DCT: variants seen among roughly 807,000 people sequenced by gnomAD.
DCT encodes dopachrome tautomerase, also known as L-dopachrome tautomerase.
Under a neutral mutation model 53.0 loss-of-function variants are expected in DCT, and 47 were observed. The ratio of observed to expected loss-of-function variants is 0.89; its 90% CI spans 0.70 to 1.13. DCT has a LOEUF of 1.13. DCT is among the 50% of genes most tolerant of loss of function. The probability of loss-of-function intolerance (pLI) is 0.00; values close to 1 mark genes in which losing one functional copy is unlikely to be tolerated. For missense variants in DCT, 669 were observed against 637.4 expected (o/e 1.05, Z -0.53); for synonymous variants, 244 against 237.0 (o/e 1.03, Z -0.27).
chr13:94,541,080 T>TA, the DCT span, among the ~76,000 whole-genome samples: 1 of 152,150 alleles, frequency 6.6e-6, no homozygotes, highest in Non-Finnish European at 1.5e-5. Context: ...ATGTGGGAGC[T>TA]AAAAAATTGA....
upstream of DCT, among the ~76,000 whole-genome samples, chr13:94,484,527 A>G (rs1310046271): frequency 6.6e-6 from 1 of 152,222 alleles, no homozygotes; most frequent in Non-Finnish European, 1.5e-5. Context: ...GCCATAGAGT[A>G]GATGGCTTAA....
intron 7 of DCT, among the ~76,000 whole-genome samples, chr13:94,440,838 G>T (rs1193571897): frequency 6.6e-6 from 1 of 151,670 alleles, no homozygotes; most frequent in Non-Finnish European, 1.5e-5. Flanking sequence ...CCATCACCAT[G>T]CTCAGATAAA....
intron 1 of DCT, among the ~76,000 whole-genome samples, chr13:94,471,053 T>C (rs758288438): frequency 1.6e-4 from 25 of 152,300 alleles, no homozygotes; most frequent in Non-Finnish European, 3.2e-4. Flanking sequence ...ATAATTTTGG[T>C]AAACTACAAG....
chr13:94,535,018 C>T, the DCT span, among the ~76,000 whole-genome samples: 1 of 152,214 alleles, frequency 6.6e-6, no homozygotes, highest in South Asian at 2.1e-4. Context: ...TCTGGGATTA[C>T]AGGCAAGTGC....
chr13:94,469,454 A>G (rs1171587778), intron 1 of DCT, among the ~76,000 whole-genome samples: 1 of 152,196 alleles, frequency 6.6e-6, no homozygotes, highest in Non-Finnish European at 1.5e-5. Flanking sequence ...AAATTTGGAC[A>G]CAGTTTTGGA....
intron 6 of DCT, among the ~76,000 whole-genome samples, chr13:94,448,177 C>T (rs1159123238): frequency 6.6e-6 from 1 of 152,134 alleles, no homozygotes; most frequent in Admixed American, 6.6e-5. Context: ...CCCTGGAAGT[C>T]AAGGCTGCAG....
intron 2 of DCT, 175 bp from the exon 3 acceptor site, chr13:94,466,833 G>C: frequency 2.5e-6 from 1 of 395,048 alleles, no homozygotes; most frequent in East Asian, 4.0e-5. Context: ...ATGAATTTCA[G>C]AAGTAACTAG....
the DCT span, among the ~76,000 whole-genome samples, chr13:94,541,659 A>C: frequency 1.3e-5 from 2 of 152,232 alleles, no homozygotes; most frequent in Non-Finnish European, 2.9e-5. Context: ...TATATTTTGA[A>C]GTAATTCGAG....
the DCT span, among the ~76,000 whole-genome samples, chr13:94,540,707 A>C: frequency 6.6e-6 from 1 of 152,204 alleles, no homozygotes; most frequent in Non-Finnish European, 1.5e-5. Flanking sequence ...GGGAACATAA[A>C]TTAGTACAAT....
At chr13:94,463,327 C>T (rs180964240) in intron 4 of DCT, among the ~76,000 whole-genome samples, 13 of 150,390 alleles carry the variant, frequency 8.6e-5, no homozygotes, top group Admixed American at 8.6e-4. Flanking sequence ...CACTCTGTAG[C>T]CCAGGCTGGA....
At chr13:94,515,478 T>C in the DCT span, among the ~76,000 whole-genome samples, 1 of 152,160 alleles carries the variant, frequency 6.6e-6, no homozygotes. Context: ...GTAAACACCA[T>C]GGTTAAGGCT....
chr13:94,528,582 G>A, the DCT span, among the ~76,000 whole-genome samples: 1 of 152,148 alleles, frequency 6.6e-6, no homozygotes, highest in Non-Finnish European at 1.5e-5. Context: ...TTACAGACAA[G>A]CAAACGCTGA....
the DCT span, among the ~76,000 whole-genome samples, chr13:94,512,545 A>G: frequency 6.6e-6 from 1 of 152,228 alleles, no homozygotes; most frequent in East Asian, 1.9e-4. Flanking sequence ...AAGTGGGAAA[A>G]AACGACAAAC....
chr13:94,492,673 A>AT, the DCT span, among the ~76,000 whole-genome samples: 1 of 152,126 alleles, frequency 6.6e-6, no homozygotes, highest in Non-Finnish European at 1.5e-5. Context: ...GTTTAATATA[A>AT]TTTTTTTCAC....
the DCT span, among the ~76,000 whole-genome samples, chr13:94,501,824 G>A: frequency 6.6e-6 from 1 of 152,244 alleles, no homozygotes; most frequent in East Asian, 1.9e-4. Flanking sequence ...GTTCATGAGG[G>A]ACAAGGCTGC....
At chr13:94,521,150 G>A in the DCT span, among the ~76,000 whole-genome samples, 4 of 152,196 alleles carry the variant, frequency 2.6e-5, no homozygotes, top group African/African-American at 9.6e-5. Flanking sequence ...CTTACTAGTT[G>A]TGTGATCCAG....
chr13:94,512,579 T>C, the DCT span, among the ~76,000 whole-genome samples: 1 of 152,228 alleles, frequency 6.6e-6, no homozygotes, highest in East Asian at 1.9e-4. Context: ...ACATGTAGTA[T>C]GGCATGGCTT....
chr13:94,488,821 C>CATAT, the DCT span, among the ~76,000 whole-genome samples: 6 of 133,832 alleles, frequency 4.5e-5, no homozygotes, highest in African/African-American at 1.3e-4. Flanking sequence ...ATACACACAC[C>CATAT]ATATATATAC....
At chr13:94,443,735 G>C (rs1882521411) in intron 6 of DCT, 98 bp from the exon 7 acceptor site, 2 of 997,134 alleles carry the variant, frequency 2.0e-6, no homozygotes, top group Non-Finnish European at 1.5e-6. Flanking sequence ...ACTTCTTCTT[G>C]ACATAGGAAC....
Sources: gnomAD v4.1 joint callset for allele counts (sites outside exome capture counted in the v4.1 genomes callset) on GRCh38, gnomAD v4.1.1 for gene constraint, MANE v1.5 for transcripts, NCBI Gene and HGNC (gene_info 2026-07-23, HGNC 2026-07-21) for gene names.